The following MIB1 variants were observed in gnomAD, a reference collection of about 807,000 sequenced individuals.
The protein encoded by MIB1 is MIB E3 ubiquitin protein ligase 1.
Under a neutral mutation model 124.5 loss-of-function variants are expected in MIB1, and 278 were observed. That is an observed-to-expected ratio of 2.23 (90% confidence interval 2.02 to 2.47). MIB1 has a LOEUF of 2.47. Ranked by LOEUF, MIB1 falls within the 30% of genes most tolerant of loss-of-function variation. MIB1 has a pLI of 0.00. For missense variants in MIB1, 957 were observed against 1,254.4 expected (o/e 0.76, Z 3.58); for synonymous variants, 446 against 429.4 (o/e 1.04, Z -0.48).
intron 1 of MIB1, among the ~76,000 whole-genome samples, chr18:21,721,609 G>A (rs894547101): frequency 1.3e-5 from 2 of 152,170 alleles, no homozygotes; most frequent in Non-Finnish European, 2.9e-5. Context: ...ATACCAAGTT[G>A]TGAAGGAAGA....
At chr18:21,809,598 C>T (rs1413973904) in intron 10 of MIB1, among the ~76,000 whole-genome samples, 2 of 151,964 alleles carry the variant, frequency 1.3e-5, no homozygotes, top group African/African-American at 2.4e-5. Flanking sequence ...AATGGTTTAA[C>T]ATAGGAAAAT....
chr18:21,819,443 T>C (rs919593460), intron 11 of MIB1, 52 bp from the exon 12 acceptor site: 14 of 1,173,368 alleles, frequency 1.2e-5, no homozygotes, highest in African/African-American at 3.1e-5. Context: ...AGTATTACTA[T>C]TAGATGGGAT....
intron 20 of MIB1, 30 bp downstream of exon 20, chr18:21,858,676 C>A: frequency 9.3e-7 from 1 of 1,076,782 alleles, no homozygotes; most frequent in Non-Finnish European, 1.4e-6. Context: ...AACAGTGATG[C>A]TGTGAATGGC....
At chr18:21,819,427 G>T in intron 11 of MIB1, 68 bp from the exon 12 acceptor site, 1 of 926,214 alleles carries the variant, frequency 1.1e-6, no homozygotes, top group Non-Finnish European at 1.6e-6. Context: ...CTTAGCATTT[G>T]GTGTAAGTAT....
At chr18:21,857,501 T>A (rs2042239954) in intron 19 of MIB1, among the ~76,000 whole-genome samples, 1 of 152,280 alleles carries the variant, frequency 6.6e-6, no homozygotes, top group South Asian at 2.1e-4. Context: ...ATTGTTGTGT[T>A]CTTGCATAAA....
At chr18:21,829,107 G>A (rs373186870) in intron 12 of MIB1, 2 of 431,406 alleles carry the variant, frequency 4.6e-6, no homozygotes, top group African/African-American at 2.1e-5. Context: ...GTTGTTAGCT[G>A]TAAAAACATG....
chr18:21,749,516 T>C (rs760171759), intron 1 of MIB1, among the ~76,000 whole-genome samples: 5 of 152,228 alleles, frequency 3.3e-5, no homozygotes, highest in Non-Finnish European at 4.4e-5. Context: ...ATTTCTGTTA[T>C]AAATGACATG....
In MIB1 at chr18:21,803,914, G is replaced by A; in HGVS notation, c.1379G>A (p.Gly460Glu). The A allele has an allele frequency of 1.2e-6, 2 of 1,610,716 alleles. No individual in the cohort carries two copies. The highest frequency in any genetic ancestry group is 1.7e-6 in the Non-Finnish European group (2 of 1,177,858). The change falls in exon 10 of 21, where the codon GGG (glycine) becomes GAG (glutamate). Residue 460 changes from glycine (G) to glutamate (E), a missense_variant. Physicochemically the swap from Gly to Glu is moderately conservative, Grantham distance 98 (BLOSUM62 -2). Coordinates refer to ENST00000261537, the MANE Select transcript of MIB1 (RefSeq NM_020774.4). ...LLKRPDVDVN[G>E]QCAGHTAMQA... is the part of the protein sequence containing the mutation. ...TTTTTTTAAAAAATGTAGGTAAATG[G>A]GCAATGTGCTGGCCACACAGCTATG...
chr18:21,815,004 G>C lies in MIB1; in HGVS notation c.1480-612G>C, dbSNP rs188344176. Among the ~76,000 whole-genome samples the C allele has an allele frequency of 4.8e-3, 364 of 76,158 alleles. 11 individuals are homozygous for C. The highest frequency in any genetic ancestry group is 0.017 in the African/African-American group (324 of 18,868). 50.0% of individuals were successfully genotyped at this position (76,158 alleles called of 152,430 possible). A position where few individuals can be genotyped will look rare whatever the true frequency, so the allele number is the denominator to read the frequency against. ...ATGAGGAATGCTGAAAGTTCAAGCTGTTGGTTTTATATATATATATATATA... is the reference window on the plus strand; with the variant it reads ...ATGAGGAATGCTGAAAGTTCAAGCTCTTGGTTTTATATATATATATATATA... On this transcript the variant is annotated intron_variant, in intron 10 of 20. Transcript: ENST00000261537.
chr18:21,771,843 A>AC (rs2041227054), intron 3 of MIB1, among the ~76,000 whole-genome samples: 1 of 151,354 alleles, frequency 6.6e-6, no homozygotes, highest in African/African-American at 2.5e-5. Flanking sequence ...TAAAAAAAAA[A>AC]ACGAAAATTA....
At chr18:21,795,391 TTTATA>T (rs1372023356) in intron 7 of MIB1, among the ~76,000 whole-genome samples, 9 of 145,088 alleles carry the variant, frequency 6.2e-5, no homozygotes, top group Non-Finnish European at 1.4e-4. Context: ...TATATTTATT[TTTATA>T]TATACACACA....
intron 1 of MIB1, among the ~76,000 whole-genome samples, chr18:21,709,278 A>T (rs1329280150): frequency 6.9e-5 from 10 of 145,754 alleles, no homozygotes. Flanking sequence ...AGATAACGCC[A>T]CTGCACTACG....
At chr18:21,783,721 G>GT in intron 6 of MIB1, among the ~76,000 whole-genome samples, 1 of 151,040 alleles carries the variant, frequency 6.6e-6, no homozygotes, top group Non-Finnish European at 1.5e-5. Flanking sequence ...TTGGTAGTAC[G>GT]TTTTAATGTG....
chr18:21,803,616 A>C (rs1393066053), intron 9 of MIB1: 1 of 220,618 alleles, frequency 4.5e-6, no homozygotes, highest in Non-Finnish European at 8.9e-6. Context: ...ATATATACAA[A>C]ACCAACTTAA....
At chr18:21,857,691 T>C (rs1038722148) in intron 19 of MIB1, among the ~76,000 whole-genome samples, 22 of 152,240 alleles carry the variant, frequency 1.4e-4, no homozygotes, top group African/African-American at 5.3e-4. Flanking sequence ...AGAGTAACTA[T>C]AGGTAAACAA....
chr18:21,761,727 C>G (rs1160289340), intron 1 of MIB1, among the ~76,000 whole-genome samples: 1 of 152,194 alleles, frequency 6.6e-6, no homozygotes, highest in Non-Finnish European at 1.5e-5. Context: ...CTGTCCATGT[C>G]TGTCTGTCTG....
chr18:21,864,652 A>G lies in MIB1; in HGVS notation c.3007A>G (p.Ile1003Val), dbSNP rs150652745. Residue 1003 changes from isoleucine to valine, a missense_variant, in exon 21 of 21, where the codon ATT becomes GTT. By Grantham distance (29) the Ile-to-Val change is conservative (BLOSUM62 3). Coordinates refer to ENST00000261537, the MANE Select transcript of MIB1 (RefSeq NM_020774.4). ...CTGTCGCAAGGCTATTGAACGAAGG[A>G]TTCTTTTGTATTAACTAAGACACAT... ...PICRKAIERRILLY is the reference protein window; with the variant it reads ...PICRKAIERRVLLY The G allele has an allele frequency of 1.7e-4, 280 of 1,613,412 alleles. No individual in the cohort carries two copies. The African/African-American group carries it at 3.3e-3, about 19-fold the overall frequency.
chr18:21,849,835 A>G (rs1007491993), intron 17 of MIB1, among the ~76,000 whole-genome samples: 1 of 152,134 alleles, frequency 6.6e-6, no homozygotes, highest in African/African-American at 2.4e-5. Flanking sequence ...TGTTTGTAAA[A>G]TAATTCATTT....
At chr18:21,851,769 A>G (rs551479155) in intron 17 of MIB1, among the ~76,000 whole-genome samples, 1 of 152,318 alleles carries the variant, frequency 6.6e-6, no homozygotes, top group African/African-American at 2.4e-5. Context: ...ACCCGGCTAT[A>G]TGTACAGACA....
Sources: allele counts gnomAD v4.1 joint callset (sites outside exome capture counted in the v4.1 genomes callset), GRCh38; gene constraint gnomAD v4.1.1; transcripts MANE v1.5; gene names NCBI Gene and HGNC (gene_info 2026-07-23, HGNC 2026-07-21).